Variants in ANKFN1 observed in about 807,000 individuals in gnomAD.
ANKFN1 encodes ankyrin repeat and fibronectin type-III domain-containing protein 1.
ANKFN1 carries 74 observed loss-of-function variants against 108.7 expected under a neutral mutation model. The observed-to-expected ratio is 0.68, with a 90% CI of 0.56 to 0.83. ANKFN1 has a LOEUF of 0.83. ANKFN1 is among the 40% of genes least tolerant of loss of function. The pLI, the probability that ANKFN1 is intolerant of heterozygous loss-of-function variation, is 0.00. For synonymous variants in ANKFN1, 547 were observed against 516.2 expected, an observed-to-expected ratio of 1.06 and a Z score of -0.81; for missense variants, 1,505 against 1,382.3, an observed-to-expected ratio of 1.09 and a Z score of -1.41.
At chr17:56,072,693 A>G (rs1905134241) in intron 4 of ANKFN1, among the ~76,000 whole-genome samples, 2 of 152,236 alleles carry the variant, frequency 1.3e-5, no homozygotes, top group East Asian at 1.9e-4. Context: ...GAGTGTTTTC[A>G]GAATTGGAGA....
At chr17:56,063,446 T>A (rs1905010857) in intron 4 of ANKFN1, among the ~76,000 whole-genome samples, 2 of 151,892 alleles carry the variant, frequency 1.3e-5, no homozygotes, top group African/African-American at 4.8e-5. Flanking sequence ...TGTTCATTCC[T>A]TTTCATTCCT....
chr17:56,478,988 T>G (rs1463897135), intron 16 of ANKFN1, among the ~76,000 whole-genome samples: 1 of 152,178 alleles, frequency 6.6e-6, no homozygotes, highest in East Asian at 1.9e-4. Context: ...GACTACCATA[T>G]TCTCTCTTCA....
At chr17:56,285,811 C>T (rs1469298971) in intron 3 of ANKFN1, among the ~76,000 whole-genome samples, 2 of 150,576 alleles carry the variant, frequency 1.3e-5, no homozygotes, top group Non-Finnish European at 2.9e-5. Flanking sequence ...TTTCCCCCTC[C>T]TGTTGTTGGC....
In ANKFN1 at chr17:56,510,972, C is replaced by T. The variant is rs2051738668; in HGVS notation, c.3144C>T (p.Pro1048=). ...AGGCCTGTGGTCTGGCCCAGGAGCC[C>T]AAGGAGGCCAAGCGGGCCGGCCCTG... ...LSQACGLAQE[P]KEAKRAGPAL... is the part of the protein sequence containing the mutation. Residue 1048 remains proline, a synonymous_variant, in exon 21 of 21, where the codon CCC becomes CCT. Transcript: ENST00000682825. The T allele has an allele frequency of 1.3e-6, 2 of 1,535,898 alleles. No homozygotes were observed. The highest frequency in any genetic ancestry group is 2.0e-5 in the Admixed American group (1 of 50,974).
intron 4 of ANKFN1, among the ~76,000 whole-genome samples, chr17:56,085,201 A>ATATG (rs1905295190): frequency 6.8e-6 from 1 of 147,004 alleles, no homozygotes; most frequent in Admixed American, 6.7e-5. Context: ...ATATATATAT[A>ATATG]TATATATCTC....
At chr17:56,305,179 A>G (rs903525928) in intron 3 of ANKFN1, among the ~76,000 whole-genome samples, 2 of 152,148 alleles carry the variant, frequency 1.3e-5, no homozygotes, top group African/African-American at 4.8e-5. Flanking sequence ...AAACCATCAG[A>G]TCTTGTGAGA....
At chr17:56,160,131 T>A (rs1453907041) in intron 1 of ANKFN1, among the ~76,000 whole-genome samples, 1 of 152,246 alleles carries the variant, frequency 6.6e-6, no homozygotes, top group East Asian at 1.9e-4. Context: ...TTCATATCTT[T>A]ACAGCTAAAC....
At chr17:56,089,801 G>T (rs1024925097) in intron 4 of ANKFN1, among the ~76,000 whole-genome samples, 1 of 151,248 alleles carries the variant, frequency 6.6e-6, no homozygotes, top group Non-Finnish European at 1.5e-5. Context: ...CTGCAGCTTT[G>T]CTATTTACCA....
chr17:56,502,444 TTAC>T (rs2145459843), intron 20 of ANKFN1, among the ~76,000 whole-genome samples: 1 of 152,292 alleles, frequency 6.6e-6, no homozygotes. Flanking sequence ...TTGGGTCCAT[TTAC>T]TTCTTGGAAG....
chr17:56,099,907 C>T (rs1905608009), intron 4 of ANKFN1, among the ~76,000 whole-genome samples: 1 of 152,184 alleles, frequency 6.6e-6, no homozygotes, highest in Non-Finnish European at 1.5e-5. Context: ...TGGAGAGTGA[C>T]TCAGTCACTT....
intron 3 of ANKFN1, among the ~76,000 whole-genome samples, chr17:56,283,944 A>G (rs1267619782): frequency 6.6e-6 from 1 of 152,220 alleles, no homozygotes; most frequent in Admixed American, 6.5e-5. Context: ...CAATAACTTT[A>G]AAAATAGAAA....
At chr17:56,178,308 G>A (rs539583387) in intron 1 of ANKFN1, among the ~76,000 whole-genome samples, 21 of 152,286 alleles carry the variant, frequency 1.4e-4, no homozygotes, top group African/African-American at 4.6e-4. Context: ...AGTTATTTGG[G>A]GGACATTCAT....
At chr17:56,224,582 C>T (rs1416198729) in intron 2 of ANKFN1, 1 of 152,172 alleles carries the variant, frequency 6.6e-6, no homozygotes, top group African/African-American at 2.4e-5. Context: ...GCCTAATCAG[C>T]ATAGAACACT....
intron 8 of ANKFN1, among the ~76,000 whole-genome samples, chr17:56,433,340 A>G (rs1218692647): frequency 2.6e-5 from 4 of 152,196 alleles, no homozygotes; most frequent in African/African-American, 9.6e-5. Flanking sequence ...CATCAATGAC[A>G]TAAGCAACTT....
chr17:56,160,939 C>T (rs1909597244), intron 1 of ANKFN1, among the ~76,000 whole-genome samples: 1 of 152,156 alleles, frequency 6.6e-6, no homozygotes, highest in Admixed American at 6.5e-5. Context: ...TGCTGTTGAA[C>T]CTTGGGGTGT....
chr17:56,422,043 A>C (rs918714367), intron 8 of ANKFN1, among the ~76,000 whole-genome samples: 2 of 152,342 alleles, frequency 1.3e-5, no homozygotes, highest in African/African-American at 4.8e-5. Flanking sequence ...TGATGAGTAC[A>C]CTTAGAAAAA....
At chr17:56,397,802 T>C (rs1165452310) in intron 8 of ANKFN1, among the ~76,000 whole-genome samples, 1 of 152,220 alleles carries the variant, frequency 6.6e-6, no homozygotes, top group African/African-American at 2.4e-5. Context: ...GCTATTGTGC[T>C]AGTTCTGGTC....
intron 4 of ANKFN1, among the ~76,000 whole-genome samples, chr17:56,084,506 G>A (rs1386943611): frequency 1.3e-5 from 2 of 151,290 alleles, no homozygotes; most frequent in African/African-American, 2.4e-5. Flanking sequence ...TTAGTTCTGA[G>A]GTGACTGAGC....
rs2050072723 is a variant in ANKFN1, at chr17:56,466,376, C to G, written c.1578C>G (p.Asn526Lys). The G allele has an allele frequency of 6.2e-7, 1 of 1,614,138 alleles. No homozygotes were observed. Among genetic ancestry groups the G allele is most frequent in the South Asian group, 1.1e-5 (1 of 91,082 alleles). ...TCCAGAATTTACTTGGGACACACAACTTGGGAAGAGTTTACTATGAGCCCA... is the reference window on the plus strand; with the variant it reads ...TCCAGAATTTACTTGGGACACACAAGTTGGGAAGAGTTTACTATGAGCCCA... ...AQLQNLLGTH[N>K]LGRVYYEPIK... The change falls in exon 15 of 21, where the codon AAC (asparagine) becomes AAG (lysine). Residue 526 changes from asparagine to lysine, a missense_variant. Transcript: ENST00000682825.
Sources: allele counts gnomAD v4.1 joint callset (sites outside exome capture counted in the v4.1 genomes callset), GRCh38; gene constraint gnomAD v4.1.1; transcripts MANE v1.5; gene names NCBI Gene and HGNC (gene_info 2026-07-23, HGNC 2026-07-21).